The following RAB38 variants were observed in gnomAD, a reference collection of about 807,000 sequenced individuals.
RAB38 encodes the protein ras-related protein Rab-38.
RAB38 carries 15 observed loss-of-function variants against 18.4 expected under a neutral mutation model. The ratio of observed to expected loss-of-function variants is 0.82; its 90% CI spans 0.55 to 1.26. The LOEUF (loss-of-function observed/expected upper bound fraction) is 1.26. RAB38 is among the 50% of genes most tolerant of loss of function. RAB38 has a pLI of 0.00. For synonymous variants in RAB38, 101 were observed against 104.4 expected (o/e 0.97, Z 0.20); for missense variants, 294 against 267.4 (o/e 1.10, Z -0.69).
At chr11:88,173,893 G>C in intron 1 of RAB38, 4 of 985,446 alleles carry the variant, frequency 4.1e-6, no homozygotes, top group Non-Finnish European at 4.8e-6. Flanking sequence ...AAAGTCCCCA[G>C]ATCACAAATG....
chr11:87,867,826 A>C, the RAB38 span, among the ~76,000 whole-genome samples: 2 of 151,698 alleles, frequency 1.3e-5, no homozygotes, highest in African/African-American at 2.4e-5. Flanking sequence ...ACCACAGATG[A>C]AGAAACTAAG....
At chr11:87,858,070 C>G in the RAB38 span, among the ~76,000 whole-genome samples, 1 of 152,214 alleles carries the variant, frequency 6.6e-6, no homozygotes, top group African/African-American at 2.4e-5. Context: ...CCAGTTTCAG[C>G]TTTCTACATA....
chr11:87,839,669 A>T, the RAB38 span, among the ~76,000 whole-genome samples: 17 of 152,302 alleles, frequency 1.1e-4, no homozygotes, highest in African/African-American at 3.6e-4. Flanking sequence ...AAGTATTTTT[A>T]TGTACTTGAG....
the RAB38 span, among the ~76,000 whole-genome samples, chr11:88,094,832 T>C: frequency 2.0e-5 from 3 of 152,090 alleles, no homozygotes; most frequent in South Asian, 6.2e-4. Context: ...TTTATGTATA[T>C]TTCAACTCAT....
At chr11:87,813,800 A>G in the RAB38 span, among the ~76,000 whole-genome samples, 16 of 152,278 alleles carry the variant, frequency 1.1e-4, 1 homozygote, top group South Asian at 1.7e-3. Context: ...TAATCGTATG[A>G]CGGTGGTGGC....
chr11:88,012,826 G>A, the RAB38 span, among the ~76,000 whole-genome samples: 11 of 152,076 alleles, frequency 7.2e-5, no homozygotes, highest in African/African-American at 2.7e-4. Flanking sequence ...GATAATAGTA[G>A]TGTTCCTTTA....
At chr11:88,036,742 G>A in the RAB38 span, among the ~76,000 whole-genome samples, 1 of 151,822 alleles carries the variant, frequency 6.6e-6, no homozygotes, top group Non-Finnish European at 1.5e-5. Flanking sequence ...ATTTACTTGA[G>A]AACTATTAAT....
chr11:88,018,831 T>C, the RAB38 span, among the ~76,000 whole-genome samples: 5 of 152,200 alleles, frequency 3.3e-5, no homozygotes, highest in Admixed American at 6.5e-5. Flanking sequence ...TATTGTTTAT[T>C]TAAATATTTC....
At chr11:87,955,919 A>C in the RAB38 span, among the ~76,000 whole-genome samples, 3 of 151,980 alleles carry the variant, frequency 2.0e-5, no homozygotes, top group Admixed American at 2.0e-4. Flanking sequence ...AGGACAGAAT[A>C]GAAAATATTG....
chr11:87,934,854 C>T, the RAB38 span, among the ~76,000 whole-genome samples: 10 of 151,972 alleles, frequency 6.6e-5, no homozygotes, highest in Non-Finnish European at 1.5e-4. Flanking sequence ...ACTGAGGTAG[C>T]AGTTGCAGCA....
chr11:88,037,743 A>T, the RAB38 span, among the ~76,000 whole-genome samples: 158 of 152,264 alleles, frequency 1.0e-3, 1 homozygote, highest in African/African-American at 3.6e-3. Flanking sequence ...GACATTCATC[A>T]GGTTGCTCTA....
the RAB38 span, among the ~76,000 whole-genome samples, chr11:87,881,951 C>T: frequency 1.6e-4 from 25 of 151,790 alleles, no homozygotes; most frequent in African/African-American, 4.6e-4. Flanking sequence ...TAACCAGTGC[C>T]ATTCTTCCTT....
At chr11:87,934,535 A>C in the RAB38 span, among the ~76,000 whole-genome samples, 2 of 152,124 alleles carry the variant, frequency 1.3e-5, no homozygotes, top group Non-Finnish European at 2.9e-5. Context: ...CATAAATGTC[A>C]TGTTAACATA....
chr11:87,804,877 C>G, the RAB38 span, among the ~76,000 whole-genome samples: 12 of 152,274 alleles, frequency 7.9e-5, no homozygotes, highest in Middle Eastern at 3.4e-3. Flanking sequence ...AAAACTGTTA[C>G]AATTGTCATG....
chr11:87,829,107 C>A, the RAB38 span, among the ~76,000 whole-genome samples: 1 of 152,088 alleles, frequency 6.6e-6, no homozygotes, highest in Non-Finnish European at 1.5e-5. Context: ...TTATTGTATG[C>A]TTTATACATT....
the RAB38 span, among the ~76,000 whole-genome samples, chr11:87,910,680 C>T: frequency 3.9e-4 from 51 of 131,596 alleles, no homozygotes; most frequent in South Asian, 6.2e-3. Context: ...CTCTTTCTGT[C>T]GCCAGCTTGG....
intron 1 of RAB38, among the ~76,000 whole-genome samples, chr11:88,153,729 T>A (rs868376728): frequency 2.6e-5 from 4 of 152,248 alleles, no homozygotes; most frequent in Non-Finnish European, 4.4e-5. Flanking sequence ...CTTTATTGTG[T>A]TGTTTTTGTG....
chr11:87,930,286 G>A, the RAB38 span, among the ~76,000 whole-genome samples: 1 of 152,204 alleles, frequency 6.6e-6, no homozygotes, highest in Non-Finnish European at 1.5e-5. Context: ...ATCTCATTGT[G>A]GTTTTGATTT....
chr11:88,038,300 C>T, the RAB38 span, among the ~76,000 whole-genome samples: 1,504 of 152,254 alleles, frequency 9.9e-3, 14 homozygotes, highest in Non-Finnish European at 0.016. Flanking sequence ...ATATTAATTA[C>T]CATTTCAGAA....
Sources: gnomAD v4.1 joint callset for allele counts (sites outside exome capture counted in the v4.1 genomes callset) on GRCh38, gnomAD v4.1.1 for gene constraint, MANE v1.5 for transcripts, NCBI Gene and HGNC (gene_info 2026-07-23, HGNC 2026-07-21) for gene names.